The following KLHL1 variants were observed in gnomAD, a reference collection of about 807,000 sequenced individuals.
KLHL1 encodes kelch-like protein 1.
A neutral mutation model predicts 77.7 loss-of-function variants in KLHL1; 47 were observed. The observed-to-expected ratio is 0.60, with a 90% CI of 0.48 to 0.77. The LOEUF is 0.77. Ranked by LOEUF, KLHL1 falls within the 30% of genes least tolerant of loss-of-function variation. The pLI, the probability that KLHL1 is intolerant of heterozygous loss-of-function variation, is 0.00. For missense variants in KLHL1, 925 were observed against 910.8 expected, an observed-to-expected ratio of 1.02 and a Z score of -0.20; for synonymous variants, 360 against 325.2, an observed-to-expected ratio of 1.11 and a Z score of -1.15.
intron 5 of KLHL1, among the ~76,000 whole-genome samples, chr13:69,863,492 CATA>C (rs1475180832): frequency 2.6e-5 from 3 of 117,258 alleles, no homozygotes; most frequent in Admixed American, 2.5e-4. Flanking sequence ...GAAAAAAAAA[CATA>C]AGAAATAAAA....
rs1593750775 is a variant in KLHL1, at chr13:70,107,595, T to C, written c.105A>G (p.Gly35=). The part of the protein sequence containing the change: ...PSPSTGGPAG[G]GCLQQDGSGS... ...CACTGCCGTCCTGTTGCAGGCAGCC[T>C]CCCCCCGCCGGGCCGCCGGTGGAAG... The change falls in exon 1 of 11, where the codon GGA becomes GGG. Residue 35 remains glycine (G), a synonymous_variant. Transcript: ENST00000377844. 6.3e-7 allele frequency: 1 copy of C among 1,596,518 alleles called. No individual in the cohort carries two copies. The highest frequency in any genetic ancestry group is 2.2e-5 in the East Asian group (1 of 44,752).
intron 8 of KLHL1, among the ~76,000 whole-genome samples, chr13:69,720,398 T>C (rs1483764051): frequency 6.6e-6 from 1 of 152,110 alleles, no homozygotes; most frequent in Admixed American, 6.6e-5. Flanking sequence ...CTACATATTT[T>C]TGAATGGTTA....
chr13:69,759,002 C>T (rs1874896342), intron 7 of KLHL1, among the ~76,000 whole-genome samples: 1 of 152,116 alleles, frequency 6.6e-6, no homozygotes, highest in Admixed American at 6.6e-5. Context: ...CAAGAGCTTA[C>T]ATGGCACCCA....
chr13:70,005,324 C>T (rs936770868), intron 1 of KLHL1, among the ~76,000 whole-genome samples: 3 of 151,974 alleles, frequency 2.0e-5, no homozygotes, highest in African/African-American at 7.2e-5. Flanking sequence ...TATATCCCTG[C>T]TGTGCAAAAT....
In KLHL1 at chr13:69,881,514, C is replaced by T. The variant is rs188631967; in HGVS notation, c.1227+769G>A. Among the ~76,000 whole-genome samples, 28 of 152,254 alleles carry T rather than the reference C, an allele frequency of 1.8e-4. No homozygotes were observed. The East Asian group carries it at 5.4e-3, about 29-fold the overall frequency. ...TCAACTTAGAAGTTAGGGTCACCTT[C>T]AAGCTTATTTTTGGATAACTTTACC... On this transcript the variant is annotated intron_variant, in intron 5 of 10. Coordinates refer to ENST00000377844, the MANE Select transcript of KLHL1 (RefSeq NM_020866.3).
intron 7 of KLHL1, among the ~76,000 whole-genome samples, chr13:69,779,039 C>G (rs980662676): frequency 6.6e-6 from 1 of 152,010 alleles, no homozygotes; most frequent in African/African-American, 2.4e-5. Flanking sequence ...ACCTCATGAT[C>G]AGCCCACCTC....
chr13:69,993,788 G>T (rs1356836392), intron 1 of KLHL1, among the ~76,000 whole-genome samples: 4 of 152,200 alleles, frequency 2.6e-5, no homozygotes, highest in Non-Finnish European at 4.4e-5. Flanking sequence ...CAACCATGAT[G>T]AATTTCCTCA....
At chr13:70,048,093 C>A (rs539876504) in intron 1 of KLHL1, among the ~76,000 whole-genome samples, 1 of 152,194 alleles carries the variant, frequency 6.6e-6, no homozygotes, top group Non-Finnish European at 1.5e-5. Flanking sequence ...CAAAATTTGA[C>A]ATGCTGTCTG....
intron 7 of KLHL1, among the ~76,000 whole-genome samples, chr13:69,764,845 G>A (rs898995111): frequency 6.7e-6 from 1 of 149,278 alleles, no homozygotes; most frequent in African/African-American, 2.5e-5. Context: ...CCTAGAGGGT[G>A]CATAATGCAA....
chr13:69,841,574 A>G (rs1879262956), intron 5 of KLHL1, among the ~76,000 whole-genome samples: 1 of 151,870 alleles, frequency 6.6e-6, no homozygotes, highest in Non-Finnish European at 1.5e-5. Flanking sequence ...AAACAAATAA[A>G]AAAAATCCCA....
rs577483441 is a variant in KLHL1 at position 69,936,463 on chromosome 13, C to A, written c.1014+3577G>T. Among the ~76,000 whole-genome samples, 57 of 151,972 alleles carry A rather than the reference C, an allele frequency of 3.8e-4. 1 individual carries two copies. The highest frequency in any genetic ancestry group is 3.0e-3 in the Admixed American group (46 of 15,236). On this transcript the variant is annotated intron_variant, in intron 4 of 10. Transcript: ENST00000377844. ...AATTAGCCAGGTGTGGTGACAGGTG[C>A]CTGTAGTCCCAGTTACTTGGGAGTC...
intron 1 of KLHL1, among the ~76,000 whole-genome samples, chr13:70,053,486 G>GT (rs1231156495): frequency 6.6e-6 from 1 of 151,970 alleles, no homozygotes; most frequent in African/African-American, 2.4e-5. Flanking sequence ...AGCAGAAAAA[G>GT]TTTGTTAAAG....
intron 1 of KLHL1, among the ~76,000 whole-genome samples, chr13:70,097,694 G>A (rs1593741690): frequency 6.6e-6 from 1 of 151,788 alleles, no homozygotes; most frequent in South Asian, 2.1e-4. Flanking sequence ...CAGTCTATAT[G>A]TATTTTACTA....
Position 70,107,529 on chromosome 13 carries a change from G to C in KLHL1, c.171C>G (p.Leu57=). 1 of 1,611,480 alleles carries C rather than the reference G, an allele frequency of 6.2e-7. No individual in the cohort carries two copies. The highest frequency in any genetic ancestry group is 8.5e-7 in the Non-Finnish European group (1 of 1,178,480). Residue 57 remains leucine (L), a synonymous_variant, in exon 1 of 11, where the codon CTC becomes CTG. Coordinates refer to ENST00000377844, the MANE Select transcript of KLHL1 (RefSeq NM_020866.3). ...TCACACCGCTTCTCTCTTGGCTTTT[G>C]AGCAGGCGACTCTGGCTGGGTCCCC... ...EHWGPSQSRL[L]KSQERSGVST... is the part of the protein sequence containing the mutation.
chr13:69,883,549 C>T (rs1291785917), intron 4 of KLHL1, among the ~76,000 whole-genome samples: 1 of 152,180 alleles, frequency 6.6e-6, no homozygotes, highest in Admixed American at 6.5e-5. Flanking sequence ...TACCACACTG[C>T]AGCCTAATCT....
Position 70,057,802 on chromosome 13 carries a change from A to G in KLHL1, c.497+49401T>C, listed in dbSNP as rs113097542. Among the ~76,000 whole-genome samples, 1,143 of 148,398 alleles carry G rather than the reference A, an allele frequency of 7.7e-3. 2 individuals are homozygous for G. Among genetic ancestry groups the G allele is most frequent in the Non-Finnish European group, 0.013 (897 of 66,658 alleles). On this transcript the variant is annotated intron_variant, in intron 1 of 10. Coordinates refer to ENST00000377844, the MANE Select transcript of KLHL1 (RefSeq NM_020866.3). ...CGTCTCAAAAAAAAAAAAAAAAAAA[A>G]AAAGAAAGAAAGAAAAGAAAAACAA...
intron 4 of KLHL1, among the ~76,000 whole-genome samples, chr13:69,927,682 C>A (rs1170283657): frequency 6.6e-6 from 1 of 152,032 alleles, no homozygotes; most frequent in Non-Finnish European, 1.5e-5. Flanking sequence ...ATAGGAAAAT[C>A]ACAAACAAAA....
chr13:69,961,866 T>A lies in KLHL1; in HGVS notation c.681-422A>T, dbSNP rs142051514. Among the ~76,000 whole-genome samples, 481 of 152,152 alleles carry A rather than the reference T, an allele frequency of 3.2e-3. 2 individuals carry two copies. Among genetic ancestry groups the A allele is most frequent in the Non-Finnish European group, 5.6e-3 (384 of 67,982 alleles). On this transcript the variant is annotated intron_variant, in intron 2 of 10. Coordinates refer to ENST00000377844, the MANE Select transcript of KLHL1 (RefSeq NM_020866.3). ...TTCTTGTGCCAATAAAATAGTATTT[T>A]TAAATTAGAAATATGTCTTTATAAC... is the stretch of plus-strand genomic sequence containing the variant.
chr13:70,076,466 T>A (rs1887270124), intron 1 of KLHL1, among the ~76,000 whole-genome samples: 2 of 149,924 alleles, frequency 1.3e-5, no homozygotes. Context: ...GACTTTACAG[T>A]TTTCACAAAA....
Sources: allele counts gnomAD v4.1 joint callset (sites outside exome capture counted in the v4.1 genomes callset), GRCh38; gene constraint gnomAD v4.1.1; transcripts MANE v1.5; gene names NCBI Gene and HGNC (gene_info 2026-07-23, HGNC 2026-07-21).